ROBO2: variants seen among roughly 807,000 people sequenced by gnomAD.
ROBO2 encodes roundabout homolog 2.
ROBO2 carries 53 observed loss-of-function variants against 160.8 expected under a neutral mutation model. That is an observed-to-expected ratio of 0.33 (90% CI 0.26 to 0.41). ROBO2 has a LOEUF of 0.41. Ranked by LOEUF, ROBO2 falls within the 10% of genes least tolerant of loss-of-function variation. ROBO2 has a pLI of 1.00. For synonymous variants in ROBO2, 664 were observed against 611.7 expected, an observed-to-expected ratio of 1.09 and a Z score of -1.26; for missense variants, 1,577 against 1,722.4, an observed-to-expected ratio of 0.92 and a Z score of 1.49.
chr3:77,396,238 A>G (rs2153505963), intron 2 of ROBO2, among the ~76,000 whole-genome samples: 1 of 152,218 alleles, frequency 6.6e-6, no homozygotes, highest in Non-Finnish European at 1.5e-5. Context: ...TTCCAATGCC[A>G]TTGAAACAAA....
intron 2 of ROBO2, among the ~76,000 whole-genome samples, chr3:76,527,166 A>G (rs2081990035): frequency 6.6e-6 from 1 of 152,242 alleles, no homozygotes; most frequent in African/African-American, 2.4e-5. Flanking sequence ...TTGGAGAAAA[A>G]AAAGGCTTGA....
At chr3:75,992,483 G>A (rs1405322089) in intron 2 of ROBO2, among the ~76,000 whole-genome samples, 1 of 152,190 alleles carries the variant, frequency 6.6e-6, no homozygotes, top group East Asian at 1.9e-4. Context: ...CCTCCTTCTA[G>A]ATTTCAGAGG....
At chr3:77,170,611 C>G (rs1428354722) in intron 2 of ROBO2, among the ~76,000 whole-genome samples, 2 of 151,966 alleles carry the variant, frequency 1.3e-5, no homozygotes, top group African/African-American at 4.8e-5. Flanking sequence ...TGACTCAACT[C>G]AACTGTTATC....
intron 2 of ROBO2, among the ~76,000 whole-genome samples, chr3:77,200,550 G>C (rs536049095): frequency 6.6e-6 from 1 of 151,606 alleles, no homozygotes; most frequent in African/African-American, 2.4e-5. Flanking sequence ...GCAGGCTGAG[G>C]GTCCCATGAA....
chr3:77,495,919 T>C (rs1336081697), intron 5 of ROBO2, among the ~76,000 whole-genome samples: 1 of 152,222 alleles, frequency 6.6e-6, no homozygotes, highest in Non-Finnish European at 1.5e-5. Flanking sequence ...ATTTCCAGCT[T>C]AATGTAGGTG....
chr3:76,978,947 A>ATTTT (rs1559792520), intron 2 of ROBO2, among the ~76,000 whole-genome samples: 8 of 143,526 alleles, frequency 5.6e-5, no homozygotes, highest in Non-Finnish European at 7.5e-5. Flanking sequence ...TGTTTTTTAA[A>ATTTT]AAAAAAAAAA....
chr3:75,988,557 C>T (rs950450779), intron 2 of ROBO2, among the ~76,000 whole-genome samples: 2 of 151,974 alleles, frequency 1.3e-5, no homozygotes, highest in Non-Finnish European at 2.9e-5. Flanking sequence ...TTTTCTAGTT[C>T]CGTAAGTTGT....
intron 2 of ROBO2, among the ~76,000 whole-genome samples, chr3:77,154,292 GA>G (rs1291596091): frequency 2.0e-5 from 3 of 152,044 alleles, no homozygotes; most frequent in Non-Finnish European, 4.4e-5. Flanking sequence ...AGGTACAGAG[GA>G]AAAAAACAGG....
rs142809953 is a variant in ROBO2, at chr3:76,269,466, A to G, written c.109+331864A>G. On this transcript the variant is annotated intron_variant, in intron 2 of 26. Coordinates refer to the ROBO2 transcript ENST00000487694. ...ATCTAATACAAATATATGTAAACCA[A>G]AATCCCCCACTAGATGATGAACTTC... Among the ~76,000 whole-genome samples, 242 of 152,196 alleles carry G rather than the reference A, an allele frequency of 1.6e-3. 1 individual carries two copies. The highest frequency in any genetic ancestry group is 5.1e-3 in the African/African-American group (212 of 41,568).
intron 2 of ROBO2, among the ~76,000 whole-genome samples, chr3:76,570,067 C>T (rs989124563): frequency 1.3e-5 from 2 of 152,060 alleles, no homozygotes; most frequent in Admixed American, 6.6e-5. Flanking sequence ...CCCAGGAGAT[C>T]GAGGCTGCAG....
chr3:76,785,558 CT>C (rs747241836), intron 2 of ROBO2, among the ~76,000 whole-genome samples: 1 of 151,046 alleles, frequency 6.6e-6, no homozygotes, highest in African/African-American at 2.4e-5. Context: ...GGTGGCTTTT[CT>C]TTTTTAAAAA....
At chr3:76,787,924 C>T (rs2063098805) in intron 2 of ROBO2, among the ~76,000 whole-genome samples, 1 of 151,484 alleles carries the variant, frequency 6.6e-6, no homozygotes, top group South Asian at 2.1e-4. Flanking sequence ...GTATATAGAG[C>T]AGAAACAGTA....
At chr3:76,242,800 G>T (rs576545884) in intron 2 of ROBO2, among the ~76,000 whole-genome samples, 63 of 152,030 alleles carry the variant, frequency 4.1e-4, no homozygotes, top group Non-Finnish European at 1.0e-4. Flanking sequence ...TGGGAAGGTC[G>T]CCTGAGCCCG....
intron 2 of ROBO2, among the ~76,000 whole-genome samples, chr3:76,835,432 CAT>C (rs2067598212): frequency 6.8e-6 from 1 of 147,222 alleles, no homozygotes; most frequent in African/African-American, 2.5e-5. Flanking sequence ...TATATACAAA[CAT>C]ATAATGTAAT....
intron 2 of ROBO2, among the ~76,000 whole-genome samples, chr3:75,964,277 TAA>T (rs967762403): frequency 9.9e-5 from 15 of 151,764 alleles, no homozygotes; most frequent in Admixed American, 7.9e-4. Flanking sequence ...GCAGAATGTG[TAA>T]AAAAAATCTA....
intron 2 of ROBO2, among the ~76,000 whole-genome samples, chr3:76,688,523 T>A (rs2092730802): frequency 6.6e-6 from 1 of 151,436 alleles, no homozygotes. Context: ...AACATTAAAG[T>A]ATGAAATAAC....
intron 2 of ROBO2, among the ~76,000 whole-genome samples, chr3:77,266,961 A>G (rs1183915696): frequency 6.6e-6 from 1 of 152,072 alleles, no homozygotes; most frequent in Non-Finnish European, 1.5e-5. Context: ...ATAGCTACCA[A>G]CTGATGAGCT....
chr3:76,558,731 G>A (rs928323815), intron 2 of ROBO2, among the ~76,000 whole-genome samples: 1 of 152,052 alleles, frequency 6.6e-6, no homozygotes, highest in Non-Finnish European at 1.5e-5. Flanking sequence ...TAAGATGACT[G>A]TAAGGCATAT....
intron 2 of ROBO2, among the ~76,000 whole-genome samples, chr3:76,321,649 A>T (rs969918794): frequency 2.0e-5 from 3 of 152,230 alleles, no homozygotes; most frequent in Admixed American, 1.3e-4. Flanking sequence ...TTTAGGGGAC[A>T]GTCAAGTAAC....
Sources: gnomAD v4.1 joint callset for allele counts (sites outside exome capture counted in the v4.1 genomes callset) on GRCh38, gnomAD v4.1.1 for gene constraint, MANE v1.5 for transcripts, NCBI Gene and HGNC (gene_info 2026-07-23, HGNC 2026-07-21) for gene names.